Variants in GULP1 observed in about 807,000 individuals in gnomAD.
The protein encoded by GULP1 is PTB domain-containing engulfment adapter protein 1.
A neutral mutation model predicts 40.9 loss-of-function variants in GULP1; 19 were observed. The observed-to-expected ratio is 0.46, with a 90% CI of 0.32 to 0.68. The LOEUF (loss-of-function observed/expected upper bound fraction) is 0.68, where lower values mean the gene tolerates loss of function less well. Among genes scored for constraint, GULP1 ranks in the 30% least tolerant of loss-of-function variants. GULP1 has a pLI of 0.03. For synonymous variants in GULP1, 119 were observed against 117.6 expected (o/e 1.01, Z -0.08); for missense variants, 312 against 362.2 (o/e 0.86, Z 1.12).
chr2:188,296,521 A>G (rs948230821), intron 1 of GULP1, among the ~76,000 whole-genome samples: 42 of 152,084 alleles, frequency 2.8e-4, no homozygotes, highest in African/African-American at 9.6e-4. Context: ...TTACATTGAA[A>G]TGGTATAGTT....
chr2:188,562,207 T>A lies in GULP1; in HGVS notation c.400-7032T>A, dbSNP rs187726982. On this transcript the variant is annotated intron_variant, in intron 7 of 11. Transcript: ENST00000409830. Reference sequence around the variant, plus strand: ...AGTGCAAGCTCCCTCCTGGGAGCAGTTCTATCACATGGTCTACGAACAGCT... The same window carrying A: ...AGTGCAAGCTCCCTCCTGGGAGCAGATCTATCACATGGTCTACGAACAGCT... Among the ~76,000 whole-genome samples, 3 of 152,290 alleles carry A rather than the reference T, an allele frequency of 2.0e-5. No homozygotes were observed. In the East Asian group the frequency reaches 5.8e-4, roughly 29 times the overall value.
At chr2:188,481,714 C>T (rs976957081) in intron 3 of GULP1, among the ~76,000 whole-genome samples, 1 of 151,750 alleles carries the variant, frequency 6.6e-6, no homozygotes, top group South Asian at 2.1e-4. Flanking sequence ...GTTTAGTCAG[C>T]GTTTACATAC....
intron 3 of GULP1, among the ~76,000 whole-genome samples, chr2:188,483,171 A>G (rs1272337083): frequency 6.6e-6 from 1 of 152,044 alleles, no homozygotes; most frequent in African/African-American, 2.4e-5. Flanking sequence ...TGGTTTTTAT[A>G]TGTTCTTTTA....
chr2:188,305,877 A>G (rs905561932), intron 1 of GULP1, among the ~76,000 whole-genome samples: 5 of 152,108 alleles, frequency 3.3e-5, no homozygotes, highest in African/African-American at 9.7e-5. Context: ...TCCCAGGTTC[A>G]TGTGAGTCTC....
At chr2:188,298,071 T>C (rs1168286351) in intron 1 of GULP1, among the ~76,000 whole-genome samples, 1 of 152,148 alleles carries the variant, frequency 6.6e-6, no homozygotes, top group African/African-American at 2.4e-5. Context: ...CAGTATTTTG[T>C]AAAGTATCTT....
At chr2:188,355,952 C>T (rs2045242512) in intron 1 of GULP1, among the ~76,000 whole-genome samples, 1 of 151,912 alleles carries the variant, frequency 6.6e-6, no homozygotes, top group Non-Finnish European at 1.5e-5. Flanking sequence ...TCTCAATGGA[C>T]ACAGAAAAAG....
intron 2 of GULP1, among the ~76,000 whole-genome samples, chr2:188,408,157 G>C (rs1266173672): frequency 1.3e-5 from 2 of 152,122 alleles, no homozygotes; most frequent in Non-Finnish European, 2.9e-5. Context: ...GCAGAAGAGA[G>C]ACCGGAGCTA....
At chr2:188,490,373 A>G (rs996034093) in intron 4 of GULP1, among the ~76,000 whole-genome samples, 2 of 152,120 alleles carry the variant, frequency 1.3e-5, no homozygotes, top group African/African-American at 2.4e-5. Context: ...AGCAGATGAA[A>G]GACCTAAAGA....
chr2:188,455,176 T>C (rs2059157692), intron 2 of GULP1, among the ~76,000 whole-genome samples: 1 of 152,070 alleles, frequency 6.6e-6, no homozygotes, highest in South Asian at 2.1e-4. Context: ...GATATAAATA[T>C]ATTCACATGA....
At chr2:188,435,992 A>G (rs2057371364) in intron 2 of GULP1, among the ~76,000 whole-genome samples, 1 of 152,110 alleles carries the variant, frequency 6.6e-6, no homozygotes, top group South Asian at 2.1e-4. Flanking sequence ...AATTAACTCA[A>G]AATCAACTGT....
At chr2:188,364,907 C>G (rs1274580196) in intron 1 of GULP1, among the ~76,000 whole-genome samples, 2 of 147,048 alleles carry the variant, frequency 1.4e-5, no homozygotes, top group Non-Finnish European at 3.0e-5. Context: ...CACAAATACA[C>G]ACACACACAC....
intron 1 of GULP1, among the ~76,000 whole-genome samples, chr2:188,314,050 C>T (rs1164725700): frequency 6.6e-6 from 1 of 151,262 alleles, no homozygotes; most frequent in African/African-American, 2.4e-5. Flanking sequence ...AATAAGACTC[C>T]ATTCTTGGAT....
intron 7 of GULP1, among the ~76,000 whole-genome samples, chr2:188,560,071 G>T (rs1277885417): frequency 6.6e-6 from 1 of 152,162 alleles, no homozygotes; most frequent in African/African-American, 2.4e-5. Context: ...TCAGCAGCGT[G>T]AAAGTGGACT....
intron 2 of GULP1, among the ~76,000 whole-genome samples, chr2:188,473,092 A>T (rs577900127): frequency 5.3e-5 from 8 of 152,318 alleles, no homozygotes; most frequent in South Asian, 2.1e-4. Flanking sequence ...CCAGATCACC[A>T]TGCAGAGAGT....
intron 1 of GULP1, among the ~76,000 whole-genome samples, chr2:188,375,289 G>A (rs903096515): frequency 2.6e-5 from 4 of 152,286 alleles, no homozygotes; most frequent in African/African-American, 7.2e-5. Flanking sequence ...GCTCCCGACC[G>A]CTGCATCCTG....
At chr2:188,502,785 C>T (rs2063551477) in intron 4 of GULP1, among the ~76,000 whole-genome samples, 1 of 151,912 alleles carries the variant, frequency 6.6e-6, no homozygotes, top group Non-Finnish European at 1.5e-5. Flanking sequence ...ATAACAAAAA[C>T]CTGAGATTGG....
chr2:188,315,194 T>A (rs1211704032), intron 1 of GULP1, among the ~76,000 whole-genome samples: 1 of 152,150 alleles, frequency 6.6e-6, no homozygotes, highest in Non-Finnish European at 1.5e-5. Flanking sequence ...CTCAGGCTAG[T>A]TTTGCCATCT....
Position 188,524,346 on chromosome 2 carries a change from T to G in GULP1, c.162+1519T>G, listed in dbSNP as rs554261880. Among the ~76,000 whole-genome samples, 3 of 152,268 alleles carry G rather than the reference T, an allele frequency of 2.0e-5. No homozygotes were observed. In the South Asian group the frequency reaches 6.2e-4, roughly 32 times the overall value. ...ATGTATTTCTATGGAGTTTCATGTT[T>G]AGAAATGTACTCTGTTAATAAAAGA... On this transcript the variant is annotated intron_variant, in intron 5 of 11. Coordinates refer to ENST00000409830, the MANE Select transcript of GULP1 (RefSeq NM_016315.4).
chr2:188,572,775 G>A (rs568203913), intron 9 of GULP1, among the ~76,000 whole-genome samples: 8 of 152,228 alleles, frequency 5.3e-5, no homozygotes, highest in East Asian at 1.9e-4. Flanking sequence ...CAAATATCAC[G>A]TGATGTCACT....
Sources: gnomAD v4.1 joint callset for allele counts (sites outside exome capture counted in the v4.1 genomes callset) on GRCh38, gnomAD v4.1.1 for gene constraint, MANE v1.5 for transcripts, NCBI Gene and HGNC (gene_info 2026-07-23, HGNC 2026-07-21) for gene names.